Variants in EPC2 observed in about 807,000 individuals in gnomAD.
EPC2 encodes the protein enhancer of polycomb 2.
Under a neutral mutation model 92.1 loss-of-function variants are expected in EPC2, and 14 were observed. That is an observed-to-expected ratio of 0.15 (90% CI 0.10 to 0.24). The LOEUF is 0.24. Ranked by LOEUF, EPC2 falls within the 10% of genes least tolerant of loss-of-function variation. The probability of loss-of-function intolerance (pLI) is 1.00; values close to 1 mark genes in which losing one functional copy is unlikely to be tolerated. For missense variants in EPC2, 755 were observed against 971.5 expected, an observed-to-expected ratio of 0.78 and a Z score of 2.96; for synonymous variants, 340 against 334.7, an observed-to-expected ratio of 1.02 and a Z score of -0.17.
chr2:148,702,185 G>A (rs1681905901), intron 2 of EPC2, among the ~76,000 whole-genome samples: 1 of 151,814 alleles, frequency 6.6e-6, no homozygotes, highest in Non-Finnish European at 1.5e-5. Context: ...TATCATTTTA[G>A]AAACTTGAAA....
chr2:148,659,549 A>G (rs1680891098), intron 1 of EPC2, among the ~76,000 whole-genome samples: 1 of 152,124 alleles, frequency 6.6e-6, no homozygotes, highest in Non-Finnish European at 1.5e-5. Context: ...ATAGAAATGT[A>G]TTGAATATAA....
chr2:148,645,235 T>G, intron 1 of EPC2, 65 bp downstream of exon 1: 1 of 1,381,814 alleles, frequency 7.2e-7, no homozygotes, highest in Non-Finnish European at 9.8e-7. Context: ...CAGTCGGGCC[T>G]CGCCATTCAC....
intron 3 of EPC2, among the ~76,000 whole-genome samples, chr2:148,748,993 A>G (rs892463791): frequency 4.6e-5 from 7 of 152,270 alleles, no homozygotes; most frequent in East Asian, 1.9e-4. Flanking sequence ...ATTGGCTTCC[A>G]CTGTCTATAA....
intron 3 of EPC2, among the ~76,000 whole-genome samples, chr2:148,746,958 AT>A (rs1296407137): frequency 6.6e-6 from 1 of 152,176 alleles, no homozygotes; most frequent in Non-Finnish European, 1.5e-5. Context: ...TTTTCTAAAT[AT>A]TTGAGATTAA....
At chr2:148,781,525 A>G (rs913116710) in intron 10 of EPC2, 119 bp from the exon 11 acceptor site, 3 of 934,632 alleles carry the variant, frequency 3.2e-6, no homozygotes, top group African/African-American at 1.7e-5. Context: ...CTGATATTCC[A>G]TATTGTAATT....
intron 2 of EPC2, among the ~76,000 whole-genome samples, chr2:148,725,718 C>T (rs1682481245): frequency 6.6e-6 from 1 of 151,970 alleles, no homozygotes; most frequent in Non-Finnish European, 1.5e-5. Context: ...GATTACAAGC[C>T]AATTATTTTC....
intron 2 of EPC2, among the ~76,000 whole-genome samples, chr2:148,733,558 C>T (rs781171053): frequency 8.2e-5 from 11 of 134,806 alleles, no homozygotes; most frequent in East Asian, 2.6e-4. Context: ...AGTGCAGTGC[C>T]GCCATCATAG....
At chr2:148,721,758 A>G (rs974529522) in intron 2 of EPC2, among the ~76,000 whole-genome samples, 5 of 87,686 alleles carry the variant, frequency 5.7e-5, no homozygotes, top group African/African-American at 9.4e-5. Flanking sequence ...GGAAGTTCCT[A>G]TTGTCATATC....
At chr2:148,711,821 A>T (rs1682149392) in intron 2 of EPC2, among the ~76,000 whole-genome samples, 1 of 152,118 alleles carries the variant, frequency 6.6e-6, no homozygotes, top group Non-Finnish European at 1.5e-5. Flanking sequence ...ATTGACTCTT[A>T]TTATGTAATA....
At chr2:148,669,657 A>G (rs1272952592) in intron 1 of EPC2, among the ~76,000 whole-genome samples, 1 of 152,146 alleles carries the variant, frequency 6.6e-6, no homozygotes, top group East Asian at 1.9e-4. Flanking sequence ...AATCATCCAA[A>G]AGAGTTTGAG....
intron 2 of EPC2, among the ~76,000 whole-genome samples, chr2:148,715,025 GTTTTTTTTTTTTTTT>G (rs60115354): frequency 1.2e-5 from 1 of 86,860 alleles, no homozygotes; most frequent in African/African-American, 5.3e-5. Flanking sequence ...TTCTTCTAGG[GTTTTTTTTTTTTTTT>G]TTTTTTTTTT....
At chr2:148,783,187 GT>G (rs1242964608) in intron 11 of EPC2, among the ~76,000 whole-genome samples, 1 of 152,162 alleles carries the variant, frequency 6.6e-6, no homozygotes, top group Non-Finnish European at 1.5e-5. Context: ...GAGTCTCCTG[GT>G]TAACCAACCA....
intron 2 of EPC2, among the ~76,000 whole-genome samples, chr2:148,727,513 T>C (rs902741289): frequency 9.9e-5 from 15 of 152,250 alleles, no homozygotes; most frequent in African/African-American, 3.6e-4. Flanking sequence ...TATGAAGATA[T>C]GTTCACTTTC....
At chr2:148,696,390 T>A (rs1377171118) in intron 2 of EPC2, among the ~76,000 whole-genome samples, 1 of 152,212 alleles carries the variant, frequency 6.6e-6, no homozygotes, top group African/African-American at 2.4e-5. Flanking sequence ...AGAACGCCCC[T>A]TCAGGCTATG....
At chr2:148,685,478 T>G (rs1425987706) in intron 1 of EPC2, among the ~76,000 whole-genome samples, 2 of 152,216 alleles carry the variant, frequency 1.3e-5, no homozygotes, top group African/African-American at 4.8e-5. Flanking sequence ...AAAGTTATGC[T>G]GGCTGGGCAC....
intron 2 of EPC2, chr2:148,692,243 T>G (rs1290305046): frequency 5.9e-6 from 1 of 169,798 alleles, no homozygotes; most frequent in African/African-American, 2.4e-5. Context: ...CTTTTCTCAC[T>G]CTACCTGTCT....
intron 2 of EPC2, among the ~76,000 whole-genome samples, chr2:148,710,499 G>T (rs1244364828): frequency 6.6e-6 from 1 of 152,184 alleles, no homozygotes; most frequent in African/African-American, 2.4e-5. Flanking sequence ...CCATTACTGG[G>T]TATATACCCA....
chr2:148,710,079 A>T (rs1682103818), intron 2 of EPC2, among the ~76,000 whole-genome samples: 1 of 152,136 alleles, frequency 6.6e-6, no homozygotes, highest in South Asian at 2.1e-4. Context: ...AATGGGAGAA[A>T]ATTTTTGCAA....
chr2:148,780,809 T>C (rs951890294), intron 10 of EPC2, among the ~76,000 whole-genome samples: 1 of 152,180 alleles, frequency 6.6e-6, no homozygotes, highest in Non-Finnish European at 1.5e-5. Flanking sequence ...TCTAATATTA[T>C]AATGACTTCC....
Sources: gnomAD v4.1 joint callset for allele counts (sites outside exome capture counted in the v4.1 genomes callset) on GRCh38, gnomAD v4.1.1 for gene constraint, MANE v1.5 for transcripts, NCBI Gene and HGNC (gene_info 2026-07-23, HGNC 2026-07-21) for gene names.